The following CNTNAP5 variants were observed in gnomAD, a reference collection of about 807,000 sequenced individuals.
CNTNAP5 encodes the protein contactin-associated protein-like 5.
Under a neutral mutation model 150.2 loss-of-function variants are expected in CNTNAP5, and 72 were observed. That is an observed-to-expected ratio of 0.48 (90% CI 0.40 to 0.58). The LOEUF is 0.58. Ranked by LOEUF, CNTNAP5 falls within the 20% of genes least tolerant of loss-of-function variation. The pLI is 0.00. For missense variants in CNTNAP5, 1,636 were observed against 1,626.2 expected (o/e 1.01, Z -0.10); for synonymous variants, 672 against 619.8 (o/e 1.08, Z -1.25).
intron 1 of CNTNAP5, among the ~76,000 whole-genome samples, chr2:124,038,647 T>A (rs546662944): frequency 6.6e-6 from 1 of 152,186 alleles, no homozygotes; most frequent in African/African-American, 2.4e-5. Context: ...AAATCTTACA[T>A]ATGATTTTAA....
intron 13 of CNTNAP5, among the ~76,000 whole-genome samples, chr2:124,723,384 C>T (rs1309103432): frequency 3.3e-5 from 5 of 152,142 alleles, no homozygotes; most frequent in South Asian, 2.1e-4. Flanking sequence ...CCTCAAAAAT[C>T]GCATTTAACA....
In CNTNAP5 at chr2:124,707,144, GA is replaced by G. The variant is rs1329927175; in HGVS notation, c.2078-40083del. Among the ~76,000 whole-genome samples the G allele has an allele frequency of 6.1e-4, 19 of 30,962 alleles. 2 individuals carry two copies. The Admixed American group carries it at 7.5e-3, about 12-fold the overall frequency. 20.3% of individuals were successfully genotyped at this position (30,962 alleles called of 152,430 possible). ...GAAGAAAGAAGAAGAAGAAGAGGAAGAAGAAGAAGAAGAAGAAGAAGAAGAA... is the reference window on the plus strand; with the variant it reads ...GAAGAAAGAAGAAGAAGAAGAGGAAGAGAAGAAGAAGAAGAAGAAGAAGAA... On this transcript the variant is annotated intron_variant, in intron 13 of 23. Transcript: ENST00000682447.
chr2:124,105,800 G>A (rs547014202), intron 1 of CNTNAP5, among the ~76,000 whole-genome samples: 17 of 151,572 alleles, frequency 1.1e-4, no homozygotes, highest in Admixed American at 2.6e-4. Flanking sequence ...TTACCCCACC[G>A]TGACCAGATA....
At chr2:124,843,675 T>C (rs1682990472) in intron 19 of CNTNAP5, among the ~76,000 whole-genome samples, 1 of 152,044 alleles carries the variant, frequency 6.6e-6, no homozygotes, top group South Asian at 2.1e-4. Flanking sequence ...ACAGCTATAA[T>C]TTTTTGATGT....
intron 21 of CNTNAP5, among the ~76,000 whole-genome samples, chr2:124,872,054 G>A (rs79173447): frequency 0.017 from 2,526 of 151,802 alleles, 66 homozygotes; most frequent in African/African-American, 0.057. Context: ...TGCATTCTGG[G>A]CAATTCATTT....
chr2:124,655,989 AAG>A (rs1206516503), intron 13 of CNTNAP5, among the ~76,000 whole-genome samples: 2 of 149,614 alleles, frequency 1.3e-5, no homozygotes, highest in Non-Finnish European at 3.0e-5. Flanking sequence ...GAAAGAAAGA[AAG>A]AAAGAAAAAA....
At chr2:124,281,255 C>T (rs1239048937) in intron 3 of CNTNAP5, among the ~76,000 whole-genome samples, 3 of 152,110 alleles carry the variant, frequency 2.0e-5, no homozygotes, top group African/African-American at 7.2e-5. Context: ...ACACCCCCTT[C>T]TCCTGCCTCA....
rs150573522 is a variant in CNTNAP5 at position 124,767,704 on chromosome 2, C to T, written c.2533+3557C>T. Among the ~76,000 whole-genome samples the T allele has an allele frequency of 2.6e-5, 4 of 152,298 alleles. No homozygotes were observed. In the East Asian group the frequency reaches 7.7e-4, roughly 29 times the overall value. ...CAAATAACAGAAAATTCAATCTGAA[C>T]TGGCAACCACAAGAATGGGAATTCA... On this transcript the variant is annotated intron_variant, in intron 16 of 23. Transcript: ENST00000682447.
chr2:124,567,384 C>T (rs939694196), intron 11 of CNTNAP5, among the ~76,000 whole-genome samples: 1 of 152,162 alleles, frequency 6.6e-6, no homozygotes, highest in East Asian at 1.9e-4. Flanking sequence ...AAACATACAT[C>T]ATTCAAAACT....
chr2:124,358,896 T>C (rs1573939604), intron 3 of CNTNAP5, among the ~76,000 whole-genome samples: 1 of 149,592 alleles, frequency 6.7e-6, no homozygotes, highest in Non-Finnish European at 1.5e-5. Flanking sequence ...TTCCTCCTTG[T>C]ACCTCTGGTA....
chr2:124,522,200 C>T lies in CNTNAP5; in HGVS notation c.1328-2103C>T, dbSNP rs549745029. ...ACCGGCTCTTCACTTGCCACTCTGA[C>T]GGTCTGGCACACCTCTGTGGTGATC... is the stretch of plus-strand genomic sequence containing the variant. On this transcript the variant is annotated intron_variant, in intron 8 of 23. Coordinates refer to ENST00000682447, the MANE Select transcript of CNTNAP5 (RefSeq NM_001367498.1). Among the ~76,000 whole-genome samples, 92 of 152,290 alleles carry T rather than the reference C, an allele frequency of 6.0e-4. 1 individual carries two copies. The highest frequency in any genetic ancestry group is 1.8e-3 in the African/African-American group (73 of 41,552).
intron 2 of CNTNAP5, among the ~76,000 whole-genome samples, chr2:124,239,184 C>G (rs577987734): frequency 6.9e-6 from 1 of 145,812 alleles, no homozygotes; most frequent in African/African-American, 2.5e-5. Context: ...CTAAATCATT[C>G]TCTATTTTTT....
chr2:124,662,731 G>T (rs1423373613), intron 13 of CNTNAP5, among the ~76,000 whole-genome samples: 1 of 152,150 alleles, frequency 6.6e-6, no homozygotes, highest in Non-Finnish European at 1.5e-5. Context: ...CTATGTGATG[G>T]TTCTGCCAAA....
chr2:124,428,786 C>T (rs1692300905), intron 4 of CNTNAP5, among the ~76,000 whole-genome samples: 2 of 151,250 alleles, frequency 1.3e-5, no homozygotes, highest in African/African-American at 4.9e-5. Context: ...AGTTCCTTTT[C>T]CCCCTGGGAA....
chr2:124,544,860 C>G (rs1695476800), intron 10 of CNTNAP5, among the ~76,000 whole-genome samples: 1 of 152,142 alleles, frequency 6.6e-6, no homozygotes, highest in African/African-American at 2.4e-5. Context: ...TAATGTCAGC[C>G]TTAGCAGCCC....
intron 3 of CNTNAP5, among the ~76,000 whole-genome samples, chr2:124,299,151 C>T (rs1688511558): frequency 6.6e-6 from 1 of 152,112 alleles, no homozygotes; most frequent in African/African-American, 2.4e-5. Flanking sequence ...AGATTAAATC[C>T]CAGGTTCCAC....
Position 124,869,672 on chromosome 2 carries a change from C to A in CNTNAP5, c.3349-3C>A, listed in dbSNP as rs748542692. ...TGTGCCTTTGTTTTCTGTTTTCCTG[C>A]AGATGGACCAGCAACTTCGACTCAG... On this transcript the variant is annotated splice_region_variant and splice_polypyrimidine_tract_variant and intron_variant, in intron 20 of 23. Transcript: ENST00000682447. 2 of 1,605,764 alleles carry A rather than the reference C, an allele frequency of 1.2e-6. No homozygotes were observed. The highest frequency in any genetic ancestry group is 1.1e-5 in the South Asian group (1 of 90,736).
At chr2:124,488,406 G>T (rs1298467866) in intron 7 of CNTNAP5, among the ~76,000 whole-genome samples, 2 of 152,076 alleles carry the variant, frequency 1.3e-5, no homozygotes, top group Non-Finnish European at 2.9e-5. Context: ...GAAAAATGAG[G>T]TTCGGTAACA....
intron 3 of CNTNAP5, among the ~76,000 whole-genome samples, chr2:124,381,738 G>T (rs1690801384): frequency 6.6e-6 from 1 of 152,254 alleles, no homozygotes; most frequent in South Asian, 2.1e-4. Flanking sequence ...TTGCTCCAGG[G>T]TTAGACATGT....
Sources: allele counts gnomAD v4.1 joint callset (sites outside exome capture counted in the v4.1 genomes callset), GRCh38; gene constraint gnomAD v4.1.1; transcripts MANE v1.5; gene names NCBI Gene and HGNC (gene_info 2026-07-23, HGNC 2026-07-21).